EXOC6B: variants seen among roughly 807,000 people sequenced by gnomAD.
EXOC6B encodes exocyst complex component 6B, also known as SEC15 homolog B.
Under a neutral mutation model 113.5 loss-of-function variants are expected in EXOC6B, and 54 were observed. The observed-to-expected ratio is 0.48, with a 90% CI of 0.38 to 0.60. The LOEUF (loss-of-function observed/expected upper bound fraction) is 0.60. Ranked by LOEUF, EXOC6B falls within the 20% of genes least tolerant of loss-of-function variation. The probability of loss-of-function intolerance (pLI) is 0.00; values close to 1 mark genes in which losing one functional copy is unlikely to be tolerated. For missense variants in EXOC6B, 797 were observed against 977.5 expected, an observed-to-expected ratio of 0.82 and a Z score of 2.46; for synonymous variants, 357 against 339.0, an observed-to-expected ratio of 1.05 and a Z score of -0.58.
At chr2:72,530,019 CCTTTT>C (rs1175657921) in intron 8 of EXOC6B, among the ~76,000 whole-genome samples, 10 of 151,974 alleles carry the variant, frequency 6.6e-5, no homozygotes, top group African/African-American at 2.4e-4. Context: ...TTTATTCTTT[CCTTTT>C]CTTTGTCAGT....
intron 6 of EXOC6B, among the ~76,000 whole-genome samples, chr2:72,652,687 G>A (rs111287496): frequency 6.8e-6 from 1 of 148,146 alleles, no homozygotes; most frequent in East Asian, 1.9e-4. Flanking sequence ...ATAAATGATT[G>A]TATACATTAT....
intron 18 of EXOC6B, among the ~76,000 whole-genome samples, chr2:72,436,221 T>A (rs1412845429): frequency 6.6e-6 from 1 of 152,210 alleles, no homozygotes; most frequent in Non-Finnish European, 1.5e-5. Context: ...TGTTGAATAT[T>A]GGCCCCCACT....
At chr2:72,466,519 C>T (rs1449389429) in intron 17 of EXOC6B, among the ~76,000 whole-genome samples, 1 of 151,990 alleles carries the variant, frequency 6.6e-6, no homozygotes, top group African/African-American at 2.4e-5. Context: ...TTATATCTCC[C>T]AAATTTCTCT....
At chr2:72,205,977 T>C (rs1272454058) in intron 20 of EXOC6B, among the ~76,000 whole-genome samples, 1 of 152,176 alleles carries the variant, frequency 6.6e-6, no homozygotes, top group Non-Finnish European at 1.5e-5. Flanking sequence ...AGAAACAGAA[T>C]GGATTCCTGC....
At chr2:72,739,411 C>A (rs966836511) in intron 2 of EXOC6B, among the ~76,000 whole-genome samples, 1 of 151,864 alleles carries the variant, frequency 6.6e-6, no homozygotes, top group African/African-American at 2.4e-5. Flanking sequence ...CACATTTTTC[C>A]TATTGATTTA....
chr2:72,284,383 A>C (rs1309900101), intron 20 of EXOC6B, among the ~76,000 whole-genome samples: 4 of 152,140 alleles, frequency 2.6e-5, no homozygotes, highest in African/African-American at 9.6e-5. Context: ...TTACACAAAC[A>C]TATCAACAGA....
rs778650155 is a variant in EXOC6B at position 72,475,087 on chromosome 2, T to C, written c.1800+5529A>G. On this transcript the variant is annotated intron_variant, in intron 17 of 21. Coordinates refer to ENST00000272427, the MANE Select transcript of EXOC6B (RefSeq NM_015189.3). ...TTATTAAATGAGGCTGTGGTTTTGC[T>C]GGGGACTGTAACACCAGGTAGGTCG... Among the ~76,000 whole-genome samples the C allele has an allele frequency of 2.2e-4, 33 of 152,166 alleles. 1 individual carries two copies. Among genetic ancestry groups the C allele is most frequent in the Non-Finnish European group, 4.1e-4 (28 of 68,032 alleles).
chr2:72,494,315 T>G (rs1487789087), intron 15 of EXOC6B, among the ~76,000 whole-genome samples: 2 of 152,132 alleles, frequency 1.3e-5, no homozygotes, highest in Non-Finnish European at 2.9e-5. Flanking sequence ...ATAAGGTCAC[T>G]TATATTAATG....
intron 11 of EXOC6B, among the ~76,000 whole-genome samples, chr2:72,500,254 T>C (rs1175648396): frequency 1.3e-5 from 2 of 152,144 alleles, no homozygotes; most frequent in African/African-American, 4.8e-5. Context: ...AAAACAAAAT[T>C]GACACTTTTA....
At chr2:72,290,728 C>T (rs1171634515) in intron 20 of EXOC6B, among the ~76,000 whole-genome samples, 1 of 151,860 alleles carries the variant, frequency 6.6e-6, no homozygotes, top group African/African-American at 2.4e-5. Flanking sequence ...CAATTAAAAA[C>T]TTCAGACAAC....
At chr2:72,457,719 G>A (rs1401631614) in intron 18 of EXOC6B, among the ~76,000 whole-genome samples, 2 of 152,062 alleles carry the variant, frequency 1.3e-5, no homozygotes, top group African/African-American at 4.8e-5. Context: ...AAATGTCTGT[G>A]TACTTACTTC....
At chr2:72,462,247 T>C (rs1471444592) in intron 18 of EXOC6B, 1 of 152,146 alleles carries the variant, frequency 6.6e-6, no homozygotes, top group Middle Eastern at 3.2e-3. Context: ...CTTTTGACAC[T>C]ATATTTTCTA....
chr2:72,276,182 G>T (rs1380307576), intron 20 of EXOC6B, among the ~76,000 whole-genome samples: 2 of 152,062 alleles, frequency 1.3e-5, no homozygotes, highest in Non-Finnish European at 2.9e-5. Context: ...CTCCACTTTG[G>T]GGGTAGACTC....
intron 1 of EXOC6B, among the ~76,000 whole-genome samples, chr2:72,811,555 C>T (rs1395288315): frequency 6.6e-6 from 1 of 152,174 alleles, no homozygotes; most frequent in African/African-American, 2.4e-5. Context: ...GGCGCTACTT[C>T]TCAATTCATT....
intron 7 of EXOC6B, among the ~76,000 whole-genome samples, chr2:72,570,524 T>C (rs913251903): frequency 6.6e-6 from 1 of 152,182 alleles, no homozygotes; most frequent in African/African-American, 2.4e-5. Context: ...TCTAGAGAGA[T>C]AAATCTGACA....
intron 20 of EXOC6B, among the ~76,000 whole-genome samples, chr2:72,323,574 T>C (rs1438880030): frequency 2.6e-5 from 4 of 152,130 alleles, no homozygotes; most frequent in Non-Finnish European, 5.9e-5. Context: ...AGCAAAGACT[T>C]GGAACCAACT....
chr2:72,768,609 CTT>C (rs34607791), intron 1 of EXOC6B, among the ~76,000 whole-genome samples: 470 of 136,170 alleles, frequency 3.5e-3, no homozygotes, highest in African/African-American at 5.7e-3. Flanking sequence ...CCGGCCTAAG[CTT>C]TTTTTTTTTT....
chr2:72,408,256 G>A (rs983362897), intron 18 of EXOC6B, among the ~76,000 whole-genome samples: 2 of 152,260 alleles, frequency 1.3e-5, no homozygotes, highest in South Asian at 4.1e-4. Context: ...CTCATGGGTA[G>A]GAAGAATCAA....
At chr2:72,628,250 A>G (rs1025751949) in intron 6 of EXOC6B, among the ~76,000 whole-genome samples, 3 of 151,900 alleles carry the variant, frequency 2.0e-5, no homozygotes, top group Non-Finnish European at 4.4e-5. Flanking sequence ...CAGCCTCCCA[A>G]GTAGCTAGGA....
Sources: gnomAD v4.1 joint callset for allele counts (sites outside exome capture counted in the v4.1 genomes callset) on GRCh38, gnomAD v4.1.1 for gene constraint, MANE v1.5 for transcripts, NCBI Gene and HGNC (gene_info 2026-07-23, HGNC 2026-07-21) for gene names.